SORCS2: variants seen among roughly 807,000 people sequenced by gnomAD.
SORCS2 encodes the protein sortilin related VPS10 domain containing receptor 2.
SORCS2 carries 100 observed loss-of-function variants against 141.6 expected under a neutral mutation model. That is an observed-to-expected ratio of 0.71 (90% CI 0.60 to 0.83). SORCS2 has a LOEUF of 0.83. Among genes scored for constraint, SORCS2 ranks in the 40% least tolerant of loss-of-function variants. The pLI is 0.00. For missense variants in SORCS2, 1,646 were observed against 1,560.2 expected, an observed-to-expected ratio of 1.05 and a Z score of -0.93; for synonymous variants, 789 against 676.9, an observed-to-expected ratio of 1.17 and a Z score of -2.57.
intron 4 of SORCS2, among the ~76,000 whole-genome samples, chr4:7,649,937 T>G (rs987655586): frequency 1.3e-5 from 2 of 152,156 alleles, no homozygotes; most frequent in Non-Finnish European, 2.9e-5. Flanking sequence ...AAGTCAGTTG[T>G]GGCGGCCCTC....
rs1193560977 is a variant in SORCS2, at chr4:7,664,755, G to A, written c.1071+284G>A. 2.6e-5 allele frequency among the ~76,000 whole-genome samples: 4 copies of A among 152,054 alleles called. No homozygotes were observed. Among genetic ancestry groups the A allele is most frequent in the Non-Finnish European group, 5.9e-5 (4 of 68,014 alleles). On this transcript the variant is annotated intron_variant, in intron 7 of 26. Transcript: ENST00000507866. The surrounding 1 kb of genome is among the most constrained non-coding windows in gnomAD (Gnocchi z 4.7). ...GGGTCCCCAAACCTAAGCCCATTTA[G>A]CCCCATTTGGCTTTATCAGTGACTT...
At chr4:7,344,852 G>A (rs944959376) in intron 1 of SORCS2, among the ~76,000 whole-genome samples, 38 of 152,294 alleles carry the variant, frequency 2.5e-4, no homozygotes, top group African/African-American at 7.9e-4. Context: ...CAGACTACAC[G>A]GCTGGGAGTC....
At chr4:7,471,199 C>T (rs9685358) in intron 2 of SORCS2, among the ~76,000 whole-genome samples, 7,481 of 152,312 alleles carry the variant, frequency 0.049, 613 homozygotes, top group African/African-American at 0.17. Flanking sequence ...CAGCATCCTG[C>T]ATCCTTCCCC....
chr4:7,379,357 G>A (rs1185459882), intron 1 of SORCS2, among the ~76,000 whole-genome samples: 2 of 152,192 alleles, frequency 1.3e-5, no homozygotes, highest in Non-Finnish European at 2.9e-5. Flanking sequence ...CACAGCCTGC[G>A]AGGTTGCACC....
chr4:7,195,371 G>A (rs1349028476), intron 1 of SORCS2, among the ~76,000 whole-genome samples: 1 of 152,158 alleles, frequency 6.6e-6, no homozygotes, highest in Non-Finnish European at 1.5e-5. Flanking sequence ...GCAAACACTC[G>A]GGGAGTAGAA....
intron 1 of SORCS2, among the ~76,000 whole-genome samples, chr4:7,382,711 C>A (rs1335665456): frequency 6.6e-6 from 1 of 151,754 alleles, no homozygotes; most frequent in Admixed American, 6.6e-5. Context: ...TGAGAATCAG[C>A]GTACGGGGGC....
chr4:7,296,225 C>T (rs548559379), intron 1 of SORCS2, among the ~76,000 whole-genome samples: 12 of 152,320 alleles, frequency 7.9e-5, no homozygotes, highest in South Asian at 4.1e-4. Context: ...TGAAAACACC[C>T]GGAACCCCTG....
intron 2 of SORCS2, among the ~76,000 whole-genome samples, chr4:7,504,551 C>T (rs1411206846): frequency 2.0e-5 from 3 of 152,194 alleles, no homozygotes; most frequent in Non-Finnish European, 4.4e-5. Flanking sequence ...ACTCAGTTCG[C>T]CCATGGCTGT....
At chr4:7,531,710 T>C (rs1175235458) in intron 3 of SORCS2, 81 bp downstream of exon 3, 2 of 1,381,716 alleles carry the variant, frequency 1.4e-6, no homozygotes, top group East Asian at 2.4e-5. Flanking sequence ...GCTGCTGCCC[T>C]GCCCTGCTGT....
intron 1 of SORCS2, among the ~76,000 whole-genome samples, chr4:7,270,266 AGCTGACAGCACGC>A (rs1215539177): frequency 6.6e-6 from 1 of 152,252 alleles, no homozygotes; most frequent in Non-Finnish European, 1.5e-5. Flanking sequence ...CGGCACCAGG[AGCTGACAGCACGC>A]GTGTGGGTGC....
chr4:7,352,469 A>G (rs1254207003), intron 1 of SORCS2, among the ~76,000 whole-genome samples: 1 of 152,202 alleles, frequency 6.6e-6, no homozygotes, highest in East Asian at 1.9e-4. Flanking sequence ...TTACCCCTGC[A>G]TCTTGCTGTC....
chr4:7,329,531 C>T (rs1056434368), intron 1 of SORCS2, among the ~76,000 whole-genome samples: 5 of 152,208 alleles, frequency 3.3e-5, no homozygotes, highest in African/African-American at 1.2e-4. Context: ...GTAGCTCAGT[C>T]TGGGGGAGAG....
At chr4:7,360,596 T>TTTTTTTTTA (rs1721525120) in intron 1 of SORCS2, among the ~76,000 whole-genome samples, 2 of 134,880 alleles carry the variant, frequency 1.5e-5, no homozygotes, top group East Asian at 2.8e-4. Flanking sequence ...TTTTTTTTTT[T>TTTTTTTTTA]GAGACAGGGT....
intron 3 of SORCS2, among the ~76,000 whole-genome samples, chr4:7,587,712 T>C (rs563032866): frequency 2.0e-5 from 3 of 152,276 alleles, no homozygotes; most frequent in Admixed American, 1.3e-4. Context: ...CCCAGGCGTG[T>C]CTGCCCACCT....
At chr4:7,347,619 C>A (rs185953937) in intron 1 of SORCS2, among the ~76,000 whole-genome samples, 7 of 152,296 alleles carry the variant, frequency 4.6e-5, no homozygotes, top group Admixed American at 2.0e-4. Flanking sequence ...AAATCCCACG[C>A]CTATCTCCAC....
chr4:7,557,213 A>G (rs1312650002), intron 3 of SORCS2, among the ~76,000 whole-genome samples: 1 of 152,108 alleles, frequency 6.6e-6, no homozygotes, highest in African/African-American at 2.4e-5. Flanking sequence ...GAAAGTGCCC[A>G]AGGTCTTTTC....
In SORCS2 at chr4:7,364,813, G is replaced by A. The variant is rs73210433; in HGVS notation, c.481-31475G>A. On this transcript the variant is annotated intron_variant, in intron 1 of 26. Transcript: ENST00000507866. The stretch of plus-strand genomic sequence containing the variant: ...CCAGAGCCCAGTAGTAACCTTGCCT[G>A]ACATCACAGAGTGCACGGATGACAG... Among the ~76,000 whole-genome samples the A allele has an allele frequency of 5.0e-3, 766 of 152,346 alleles. 5 individuals carry two copies. The highest frequency in any genetic ancestry group is 8.5e-3 in the Non-Finnish European group (577 of 68,036).
chr4:7,520,926 C>A (rs1198527961), intron 2 of SORCS2, among the ~76,000 whole-genome samples: 1 of 152,234 alleles, frequency 6.6e-6, no homozygotes, highest in African/African-American at 2.4e-5. Context: ...CATGCCACCC[C>A]AACCCCTCTG....
At chr4:7,219,418 G>A (rs776682274) in intron 1 of SORCS2, among the ~76,000 whole-genome samples, 11 of 152,126 alleles carry the variant, frequency 7.2e-5, no homozygotes, top group African/African-American at 1.9e-4. Flanking sequence ...ATTCACTGTC[G>A]AGGGCTGTGG....
Sources: gnomAD v4.1 joint callset for allele counts (sites outside exome capture counted in the v4.1 genomes callset) on GRCh38, gnomAD v4.1.1 for gene constraint, Gnocchi (gnomAD v3.1) non-coding constraint, MANE v1.5 for transcripts, NCBI Gene and HGNC (gene_info 2026-07-23, HGNC 2026-07-21) for gene names.